Variants in PTPRG observed in about 807,000 individuals in gnomAD.
PTPRG encodes the protein protein tyrosine phosphatase receptor type G, also known as receptor-type tyrosine-protein phosphatase gamma.
PTPRG carries 102 observed loss-of-function variants against 165.3 expected under a neutral mutation model. That is an observed-to-expected ratio of 0.62 (90% CI 0.53 to 0.73). The LOEUF (loss-of-function observed/expected upper bound fraction) is 0.73, where lower values mean the gene tolerates loss of function less well. Among genes scored for constraint, PTPRG ranks in the 30% least tolerant of loss-of-function variants. PTPRG has a pLI of 0.00. For missense variants in PTPRG, 1,866 were observed against 1,861.4 expected (o/e 1.00, Z -0.05); for synonymous variants, 675 against 669.5 (o/e 1.01, Z -0.13).
chr3:61,692,869 C>T (rs1434827978), intron 1 of PTPRG, among the ~76,000 whole-genome samples: 1 of 152,110 alleles, frequency 6.6e-6, no homozygotes, highest in Non-Finnish European at 1.5e-5. Context: ...GCTCATAGGC[C>T]TGACAGAAAT....
intron 2 of PTPRG, among the ~76,000 whole-genome samples, chr3:61,941,887 G>A (rs1009225835): frequency 7.2e-5 from 11 of 151,832 alleles, no homozygotes; most frequent in Admixed American, 7.2e-4. Context: ...GGCCAGGTGC[G>A]GTGGCTCATG....
intron 7 of PTPRG, among the ~76,000 whole-genome samples, chr3:62,158,645 G>A (rs1308430330): frequency 6.6e-6 from 1 of 152,180 alleles, no homozygotes. Flanking sequence ...CTGTCAGTGG[G>A]TAAATGGGGC....
chr3:62,253,621 A>T (rs1403793116), intron 15 of PTPRG, among the ~76,000 whole-genome samples: 1 of 152,132 alleles, frequency 6.6e-6, no homozygotes, highest in African/African-American at 2.4e-5. Flanking sequence ...TAATTTTGGA[A>T]ATTTTCTTGA....
At chr3:62,235,881 C>T (rs1047480928) in intron 14 of PTPRG, among the ~76,000 whole-genome samples, 1 of 152,104 alleles carries the variant, frequency 6.6e-6, no homozygotes, top group Non-Finnish European at 1.5e-5. Context: ...CTGTTAAGCC[C>T]TGCTTATCTA....
intron 2 of PTPRG, among the ~76,000 whole-genome samples, chr3:61,809,221 G>A (rs745538029): frequency 2.0e-5 from 3 of 151,558 alleles, no homozygotes. Flanking sequence ...CTTTGCCTTA[G>A]TCAAGAGCTT....
chr3:61,776,555 T>C (rs2034388914), intron 2 of PTPRG, among the ~76,000 whole-genome samples: 1 of 152,146 alleles, frequency 6.6e-6, no homozygotes, highest in South Asian at 2.1e-4. Context: ...AGTACATCCA[T>C]AGTGAACTGG....
chr3:62,176,411 C>A (rs1324187049), intron 8 of PTPRG, among the ~76,000 whole-genome samples: 1 of 152,160 alleles, frequency 6.6e-6, no homozygotes, highest in Admixed American at 6.5e-5. Context: ...CCTCTTATGT[C>A]CAAACGCAAT....
chr3:61,663,602 A>T lies in PTPRG; in HGVS notation c.86-85276A>T, dbSNP rs191352278. 2.8e-4 allele frequency among the ~76,000 whole-genome samples: 42 copies of T among 152,096 alleles called. No individual in the cohort carries two copies. In the East Asian group the frequency reaches 7.8e-3, roughly 28 times the overall value. Reference sequence around the variant, plus strand: ...ATGAGTCAAGTGCATTACATTTATTATGCGCTATATTTCTATTATTACTAT... The same window carrying T: ...ATGAGTCAAGTGCATTACATTTATTTTGCGCTATATTTCTATTATTACTAT... On this transcript the variant is annotated intron_variant, in intron 1 of 29. Coordinates refer to ENST00000474889, the MANE Select transcript of PTPRG (RefSeq NM_002841.4).
At position 61,931,260 on chromosome 3, in the gene PTPRG, G is replaced by A. The variant is rs193222410; in HGVS notation, c.191-58365G>A. ...CCTGGAAGGCTCTGGAAGGTTTTGC[G>A]ATGTTGAGCGCATTTTCACCCTCAA... On this transcript the variant is annotated intron_variant, in intron 2 of 29. Transcript: ENST00000474889. Among the ~76,000 whole-genome samples, 289 of 152,270 alleles carry A rather than the reference G, an allele frequency of 1.9e-3. 3 individuals are homozygous for A. Among genetic ancestry groups the A allele is most frequent in the Admixed American group, 0.018 (276 of 15,292 alleles).
chr3:61,931,301 G>T (rs1413673982), intron 2 of PTPRG, among the ~76,000 whole-genome samples: 3 of 152,176 alleles, frequency 2.0e-5, no homozygotes, highest in African/African-American at 4.8e-5. Flanking sequence ...CTGCTTAAAG[G>T]TTTATTACTT....
In PTPRG at chr3:61,775,440, T is replaced by C. The variant is rs1021249603; in HGVS notation, c.190+26458T>C. Reference sequence around the variant, plus strand: ...ATGTAGCAAAGCTTGCAATGCAACATGGCCTGCTTTGGTTCCTGAATATGG... The same window carrying C: ...ATGTAGCAAAGCTTGCAATGCAACACGGCCTGCTTTGGTTCCTGAATATGG... On this transcript the variant is annotated intron_variant, in intron 2 of 29. Transcript: ENST00000474889. 2.0e-5 allele frequency among the ~76,000 whole-genome samples: 3 copies of C among 152,296 alleles called. No individual in the cohort carries two copies. In the East Asian group the frequency reaches 5.8e-4, roughly 29 times the overall value.
At chr3:61,704,344 G>A (rs1168894317) in intron 1 of PTPRG, among the ~76,000 whole-genome samples, 2 of 152,148 alleles carry the variant, frequency 1.3e-5, no homozygotes, top group African/African-American at 2.4e-5. Flanking sequence ...TGGACACTTT[G>A]GGCCAGATAA....
intron 2 of PTPRG, among the ~76,000 whole-genome samples, chr3:61,912,334 G>T (rs2038822925): frequency 6.6e-6 from 1 of 152,096 alleles, no homozygotes; most frequent in South Asian, 2.1e-4. Flanking sequence ...CACTGAGAAG[G>T]TAGGAGGAAT....
chr3:62,022,972 G>A (rs891918273), intron 4 of PTPRG, among the ~76,000 whole-genome samples: 7 of 150,896 alleles, frequency 4.6e-5, no homozygotes, highest in Admixed American at 1.3e-4. Context: ...GTCTTATTGC[G>A]TGTTTATTAA....
At chr3:61,673,852 T>C (rs1479185914) in intron 1 of PTPRG, among the ~76,000 whole-genome samples, 1 of 152,144 alleles carries the variant, frequency 6.6e-6, no homozygotes, top group African/African-American at 2.4e-5. Flanking sequence ...GAAACTTGGC[T>C]TTGTCCATAA....
At chr3:61,911,758 C>T (rs536022045) in intron 2 of PTPRG, among the ~76,000 whole-genome samples, 4 of 152,134 alleles carry the variant, frequency 2.6e-5, no homozygotes, top group Non-Finnish European at 4.4e-5. Context: ...GAAATTACTG[C>T]GTTTGAACAG....
chr3:61,586,286 G>A (rs185564544), intron 1 of PTPRG, among the ~76,000 whole-genome samples: 3 of 152,102 alleles, frequency 2.0e-5, no homozygotes, highest in African/African-American at 7.2e-5. Context: ...TCTTGGCAGC[G>A]GAAGCTTGCT....
chr3:61,962,329 G>A (rs2040171259), intron 2 of PTPRG, among the ~76,000 whole-genome samples: 2 of 152,304 alleles, frequency 1.3e-5, no homozygotes, highest in African/African-American at 4.8e-5. Context: ...GCTAGAAATG[G>A]TGGTAGTCAG....
intron 1 of PTPRG, among the ~76,000 whole-genome samples, chr3:61,602,788 G>C (rs6445227): frequency 0.2 from 31,136 of 151,972 alleles, 3,230 homozygotes; most frequent in East Asian, 0.24. Context: ...TGTGCCGGCT[G>C]GTGAGAACTG....
Sources: gnomAD v4.1 joint callset for allele counts (sites outside exome capture counted in the v4.1 genomes callset) on GRCh38, gnomAD v4.1.1 for gene constraint, MANE v1.5 for transcripts, NCBI Gene and HGNC (gene_info 2026-07-23, HGNC 2026-07-21) for gene names.